The following EEF2K variants were observed in gnomAD, a reference collection of about 807,000 sequenced individuals.
EEF2K encodes alternative protein EEF2K.
EEF2K carries 70 observed loss-of-function variants against 93.8 expected under a neutral mutation model. The observed-to-expected ratio is 0.75, with a 90% CI of 0.62 to 0.91. The LOEUF (loss-of-function observed/expected upper bound fraction) is 0.91. EEF2K is among the 40% of genes least tolerant of loss of function. EEF2K has a pLI of 0.00. For synonymous variants in EEF2K, 376 were observed against 380.8 expected, an observed-to-expected ratio of 0.99 and a Z score of 0.15; for missense variants, 935 against 972.9, an observed-to-expected ratio of 0.96 and a Z score of 0.52.
Position 22,266,382 on chromosome 16 carries a change from C to T in EEF2K, c.1441-8C>T. 6.2e-7 allele frequency: 1 copy of T among 1,611,910 alleles called. No homozygotes were observed. Among genetic ancestry groups the T allele is most frequent in the Non-Finnish European group, 8.5e-7 (1 of 1,179,272 alleles). On this transcript the variant is annotated splice_polypyrimidine_tract_variant and splice_region_variant and intron_variant, in intron 13 of 17. Coordinates refer to ENST00000263026, the MANE Select transcript of EEF2K (RefSeq NM_013302.5). ...CCCTCGCTTCCCTGGCCGGTTCTTT[C>T]CCTTCAGGTATGTGTAGAGAAGTGG...
intron 1 of EEF2K, among the ~76,000 whole-genome samples, chr16:22,225,405 A>G (rs1482939797): frequency 2.6e-5 from 4 of 152,208 alleles, no homozygotes; most frequent in African/African-American, 4.8e-5. Flanking sequence ...TTAAGAAGCC[A>G]TTCCTTTCCC....
chr16:22,215,455 G>A (rs1196619589), intron 1 of EEF2K, among the ~76,000 whole-genome samples: 4 of 152,106 alleles, frequency 2.6e-5, no homozygotes, highest in Admixed American at 6.6e-5. Context: ...AGGAAGGGAC[G>A]GATGGGCTGG....
In EEF2K at chr16:22,266,386, T is replaced by G; in HGVS notation, c.1441-4T>G. 1 of 1,613,054 alleles carries G rather than the reference T, an allele frequency of 6.2e-7. No individual in the cohort carries two copies. Among genetic ancestry groups the G allele is most frequent in the Non-Finnish European group, 8.5e-7 (1 of 1,179,718 alleles). On this transcript the variant is annotated splice_polypyrimidine_tract_variant and splice_region_variant and intron_variant, in intron 13 of 17. Transcript: ENST00000263026. ...CGCTTCCCTGGCCGGTTCTTTCCCT[T>G]CAGGTATGTGTAGAGAAGTGGAATC...
intron 10 of EEF2K, chr16:22,258,950 A>T: frequency 2.5e-6 from 1 of 402,990 alleles, no homozygotes; most frequent in Non-Finnish European, 4.3e-6. Flanking sequence ...CCTATATAAT[A>T]AATTTGACAA....
chr16:22,265,844 G>A (rs556776847), intron 13 of EEF2K, among the ~76,000 whole-genome samples: 1 of 152,284 alleles, frequency 6.6e-6, no homozygotes, highest in East Asian at 1.9e-4. Context: ...TCGTTGTGGT[G>A]CCTTGCAGAG....
intron 17 of EEF2K, 144 bp from the exon 18 acceptor site, chr16:22,283,743 C>G (rs1039115949): frequency 2.7e-6 from 2 of 747,910 alleles, no homozygotes; most frequent in African/African-American, 3.5e-5. Context: ...CCGCCCGGAA[C>G]ACCTGGAGGG....
rs1332606509 is a variant in EEF2K, at chr16:22,273,714, G to A, written c.1853G>A (p.Arg618Gln). 4.3e-6 allele frequency: 7 copies of A among 1,614,024 alleles called. 1 individual carries two copies. Among genetic ancestry groups the A allele is most frequent in the Admixed American group, 3.3e-5 (2 of 59,992 alleles). Residue 618 changes from arginine (R) to glutamine (Q), a missense_variant, in exon 16 of 18, where the codon CGA (arginine) becomes CAA (glutamine). Arg to Gln is a conservative substitution (Grantham distance 43). Coordinates refer to ENST00000263026, the MANE Select transcript of EEF2K (RefSeq NM_013302.5). ...AGGCAGTCCATGATCCTAGTGGCGCGAGCTTTTGACTCTGGCCAGAACCTC... is the reference window on the plus strand; with the variant it reads ...AGGCAGTCCATGATCCTAGTGGCGCAAGCTTTTGACTCTGGCCAGAACCTC... ...GDRQSMILVARAFDSGQNLSP... is the reference protein window; with the variant it reads ...GDRQSMILVAQAFDSGQNLSP...
intron 1 of EEF2K, among the ~76,000 whole-genome samples, chr16:22,214,645 A>G (rs1162692440): frequency 1.3e-5 from 2 of 152,076 alleles, no homozygotes; most frequent in Admixed American, 6.5e-5. Flanking sequence ...AGCCTGGCCA[A>G]CAGAGCCAGA....
chr16:22,221,314 CTG>C (rs2047009361), intron 1 of EEF2K, among the ~76,000 whole-genome samples: 1 of 151,978 alleles, frequency 6.6e-6, no homozygotes, highest in Non-Finnish European at 1.5e-5. Flanking sequence ...TAGTGAGACT[CTG>C]TCTGTACAAA....
At chr16:22,259,055 ATAGTAC>A (rs2047437661) in intron 10 of EEF2K, among the ~76,000 whole-genome samples, 1 of 152,242 alleles carries the variant, frequency 6.6e-6, no homozygotes, top group Admixed American at 6.5e-5. Flanking sequence ...ACAAATAAAA[ATAGTAC>A]TATGTTAAAA....
At chr16:22,240,758 C>A (rs1282810989) in intron 2 of EEF2K, among the ~76,000 whole-genome samples, 1 of 151,994 alleles carries the variant, frequency 6.6e-6, no homozygotes, top group African/African-American at 2.4e-5. Context: ...ATTGCTCTTT[C>A]TTTTTATTTT....
chr16:22,266,987 G>GTT, intron 15 of EEF2K, 111 bp downstream of exon 15: 2 of 1,319,460 alleles, frequency 1.5e-6, no homozygotes, highest in Admixed American at 4.9e-5. Context: ...CTATCCTGAG[G>GTT]TTTATGCATG....
Position 22,241,640 on chromosome 16 carries a change from A to C in EEF2K, c.247-2990A>C, listed in dbSNP as rs113767645. 5.2e-3 allele frequency among the ~76,000 whole-genome samples: 685 copies of C among 131,998 alleles called. 2 individuals are homozygous for C. The highest frequency in any genetic ancestry group is 0.016 in the African/African-American group (648 of 39,564). The allele number at this position is 131,998 out of a possible 152,430, so 86.6% of individuals were successfully genotyped here. A position where few individuals can be genotyped will look rare whatever the true frequency, so the allele number is the denominator to read the frequency against. On this transcript the variant is annotated intron_variant, in intron 2 of 17. Coordinates refer to ENST00000263026, the MANE Select transcript of EEF2K (RefSeq NM_013302.5). ...GGTGACAGAGGGAGACTGTCTCAAA[A>C]AAAAAAAAAAAAAAAAAAAAAACAT... is the stretch of plus-strand genomic sequence containing the variant.
intron 11 of EEF2K, among the ~76,000 whole-genome samples, chr16:22,260,844 G>T (rs1292409793): frequency 6.6e-6 from 1 of 152,202 alleles, no homozygotes; most frequent in African/African-American, 2.4e-5. Context: ...CCCCACATGT[G>T]TTGGTTGTCC....
In EEF2K at chr16:22,280,255, CTG is replaced by C; in HGVS notation, c.1950_1951del (p.Cys650Ter). The C allele has an allele frequency of 6.2e-7, 1 of 1,604,108 alleles. No homozygotes were observed. The highest frequency in any genetic ancestry group is 8.5e-7 in the Non-Finnish European group (1 of 1,175,426). ...ACAACACTGCCCTGGAGATGACGGA[CTG>C]TGATGAGGGCGGTGAGTACGACGGA... ...WYNTALEMTD[C>X]DEGGEYDGMQ... On this transcript the variant is annotated frameshift_variant, in exon 17 of 18. Coordinates refer to ENST00000263026, the MANE Select transcript of EEF2K (RefSeq NM_013302.5). LOFTEE classifies it high-confidence loss of function.
Position 22,225,738 on chromosome 16 carries a change from C to G in EEF2K, c.9C>G (p.Asp3Glu), listed in dbSNP as rs751118481. The G allele has an allele frequency of 1.2e-6, 2 of 1,613,996 alleles. No homozygotes were observed. The highest frequency in any genetic ancestry group is 2.2e-5 in the South Asian group (2 of 91,038). Residue 3 changes from aspartate (D) to glutamate (E), a missense_variant, in exon 2 of 18, where the codon GAC (aspartate) becomes GAG (glutamate). Physicochemically the swap from Asp to Glu is conservative, Grantham distance 45. Coordinates refer to ENST00000263026, the MANE Select transcript of EEF2K (RefSeq NM_013302.5). ...ACGGGCACCCCAGGAACATGGCAGA[C>G]GAAGATCTCATCTTCCGCCTGGAAG... MA[D>E]EDLIFRLEGV...
chr16:22,267,044 T>G (rs1489007748), intron 15 of EEF2K, among the ~76,000 whole-genome samples, 168 bp downstream of exon 15: 2 of 152,182 alleles, frequency 1.3e-5, no homozygotes, highest in African/African-American at 4.8e-5. Context: ...CCCCTCCAAG[T>G]TAGTTGAAAC....
intron 2 of EEF2K, among the ~76,000 whole-genome samples, chr16:22,234,865 T>A (rs2047151194): frequency 6.7e-6 from 1 of 148,472 alleles, no homozygotes; most frequent in Non-Finnish European, 1.5e-5. Flanking sequence ...CTAAGCATAA[T>A]GTTTTTTGTT....
chr16:22,244,355 A>G (rs1426102988), intron 2 of EEF2K, among the ~76,000 whole-genome samples: 1 of 150,024 alleles, frequency 6.7e-6, no homozygotes, highest in African/African-American at 2.5e-5. Context: ...GCCAACCTGA[A>G]TGGGGGAATG....
Sources: gnomAD v4.1 joint callset for allele counts (sites outside exome capture counted in the v4.1 genomes callset) on GRCh38, gnomAD v4.1.1 for gene constraint, MANE v1.5 for transcripts, NCBI Gene and HGNC (gene_info 2026-07-23, HGNC 2026-07-21) for gene names.